NAV1: variants seen among roughly 807,000 people sequenced by gnomAD.
NAV1 encodes pore membrane and/or filament interacting like protein 3.
In NAV1, 18 loss-of-function variants were observed where a neutral mutation model predicts 175.2. The observed-to-expected ratio is 0.10, with a 90% CI of 0.07 to 0.15. The LOEUF (loss-of-function observed/expected upper bound fraction) is 0.15. NAV1 is among the 10% of genes least tolerant of loss of function. NAV1 has a pLI of 1.00. For missense variants in NAV1, 1,731 were observed against 2,436.6 expected (o/e 0.71, Z 6.10); for synonymous variants, 897 against 978.7 (o/e 0.92, Z 1.56).
chr1:201,668,871 C>A (rs927140665), intron 1 of NAV1, among the ~76,000 whole-genome samples: 2 of 152,172 alleles, frequency 1.3e-5, no homozygotes, highest in Non-Finnish European at 2.9e-5. Flanking sequence ...GTCACTCCTG[C>A]AGCTTGCTTC....
chr1:201,705,168 C>A (rs1486702097), intron 1 of NAV1, among the ~76,000 whole-genome samples: 1 of 152,172 alleles, frequency 6.6e-6, no homozygotes, highest in Non-Finnish European at 1.5e-5. Context: ...CTTTACGATT[C>A]CTCTTAGCCC....
At chr1:201,580,930 G>C (rs974949727) in intron 1 of NAV1, among the ~76,000 whole-genome samples, 4 of 152,118 alleles carry the variant, frequency 2.6e-5, no homozygotes, top group African/African-American at 9.7e-5. Context: ...GGATGGACAC[G>C]ATGGTAAAGG....
intron 6 of NAV1, 129 bp from the exon 11 acceptor site, chr1:201,783,277 G>A: frequency 3.1e-6 from 3 of 955,956 alleles, no homozygotes; most frequent in Non-Finnish European, 1.6e-6. Flanking sequence ...TTTCACAACA[G>A]CATTAGGATA....
chr1:201,719,283 C>T (rs958038985), intron 3 of NAV1, among the ~76,000 whole-genome samples: 3 of 152,032 alleles, frequency 2.0e-5, no homozygotes, highest in Non-Finnish European at 4.4e-5. Context: ...CTTCCTTTGC[C>T]AGGGGTTCGT....
In NAV1 at chr1:201,812,844, C is replaced by T. The variant is rs941061201; in HGVS notation, c.5221+183C>T. Among the ~76,000 whole-genome samples, 3 of 152,186 alleles carry T rather than the reference C, an allele frequency of 2.0e-5. No homozygotes were observed. The highest frequency in any genetic ancestry group is 7.2e-5 in the African/African-American group (3 of 41,450). On this transcript the variant is annotated intron_variant, in intron 27 of 29. Transcript: ENST00000367296. The surrounding 1 kb of genome is among the most constrained non-coding windows in gnomAD (Gnocchi z 4.6). ...AACACAGTTAGCACCACTTCAATCA[C>T]CAGAAAGCTAACCCCTCTCCTTGTT...
intron 1 of NAV1, among the ~76,000 whole-genome samples, chr1:201,570,702 C>T (rs1165006894): frequency 6.6e-6 from 1 of 152,234 alleles, no homozygotes; most frequent in Admixed American, 6.5e-5. Flanking sequence ...GCCCAGCAGG[C>T]AGTCTCCCTT....
chr1:201,693,960 A>G (rs1301670952), intron 1 of NAV1, among the ~76,000 whole-genome samples: 1 of 152,200 alleles, frequency 6.6e-6, no homozygotes, highest in Non-Finnish European at 1.5e-5. Flanking sequence ...GTCTGAAGCC[A>G]TCTCAGCCAT....
chr1:201,749,543 C>G (rs1376428979), intron 3 of NAV1, among the ~76,000 whole-genome samples: 1 of 152,222 alleles, frequency 6.6e-6, no homozygotes, highest in Non-Finnish European at 1.5e-5. Context: ...CTCCACCAAT[C>G]AAGTTGAATG....
chr1:201,759,728 G>A (rs960972202), intron 3 of NAV1, among the ~76,000 whole-genome samples: 3 of 152,206 alleles, frequency 2.0e-5, no homozygotes, highest in Non-Finnish European at 4.4e-5. Flanking sequence ...CTTCTACATG[G>A]ATTGCTTTGC....
Position 201,813,096 on chromosome 1 carries a change from A to G in NAV1, c.5222-44A>G. The G allele has an allele frequency of 7.1e-7, 1 of 1,410,016 alleles. No individual in the cohort carries two copies. Among genetic ancestry groups the G allele is most frequent in the Non-Finnish European group, 1.0e-6 (1 of 997,450 alleles). 87.3% of individuals were successfully genotyped at this position (1,410,016 alleles called of 1,614,324 possible). ...GTAAAAGAGGCACACAACCGGGAAG[A>G]TCTAGGTTCCCAGCCATCTTCATGG... On this transcript the variant is annotated intron_variant, in intron 27 of 29. Coordinates refer to ENST00000367296, the Ensembl canonical transcript of NAV1. The surrounding 1 kb of genome is among the most constrained non-coding windows in gnomAD (Gnocchi z 4.2).
At chr1:201,716,827 G>A (rs1178262055) in intron 2 of NAV1, among the ~76,000 whole-genome samples, 3 of 152,236 alleles carry the variant, frequency 2.0e-5, no homozygotes, top group South Asian at 2.1e-4. Flanking sequence ...GCAGTGAGCC[G>A]TGTTTGCACC....
intron 1 of NAV1, among the ~76,000 whole-genome samples, chr1:201,665,596 C>T (rs1352367076): frequency 1.4e-5 from 1 of 69,728 alleles, no homozygotes; most frequent in Non-Finnish European, 2.9e-5. Flanking sequence ...CCCCACCCCC[C>T]CCACTGCCCA....
At chr1:201,663,508 A>C (rs992607856) in intron 1 of NAV1, among the ~76,000 whole-genome samples, 5 of 152,110 alleles carry the variant, frequency 3.3e-5, no homozygotes, top group Non-Finnish European at 7.4e-5. Flanking sequence ...TCCCGGGTTC[A>C]ATGAAACCAC....
intron 2 of NAV1, among the ~76,000 whole-genome samples, chr1:201,630,588 C>T (rs1224261336): frequency 6.6e-6 from 1 of 152,184 alleles, no homozygotes; most frequent in Non-Finnish European, 1.5e-5. Context: ...GATCTTGGAG[C>T]CACTGCAACC....
chr1:201,784,517 CA>C (rs1676567001), intron 7 of NAV1, among the ~76,000 whole-genome samples: 1 of 151,470 alleles, frequency 6.6e-6, no homozygotes, highest in Non-Finnish European at 1.5e-5. Flanking sequence ...CCCTATATGC[CA>C]AGGTTATCAA....
At chr1:201,683,526 C>T (rs1213455301) in intron 1 of NAV1, among the ~76,000 whole-genome samples, 1 of 136,854 alleles carries the variant, frequency 7.3e-6, no homozygotes, top group Non-Finnish European at 1.6e-5. Flanking sequence ...CTATGAGAAT[C>T]TAATGCTGCT....
chr1:201,600,602 T>C (rs1479471788), intron 2 of NAV1, among the ~76,000 whole-genome samples: 1 of 152,178 alleles, frequency 6.6e-6, no homozygotes, highest in Non-Finnish European at 1.5e-5. Flanking sequence ...AACTCTGTAC[T>C]ATCTTTGCAA....
At chr1:201,763,587 G>A (rs369524709) in intron 3 of NAV1, among the ~76,000 whole-genome samples, 104 of 152,304 alleles carry the variant, frequency 6.8e-4, no homozygotes, top group African/African-American at 2.3e-3. Flanking sequence ...GTGGCCAGCC[G>A]AGTCAGCATT....
At chr1:201,811,996 G>A in intron 26 of NAV1, 22 bp downstream of exon 30, 1 of 1,609,986 alleles carries the variant, frequency 6.2e-7, no homozygotes, top group East Asian at 2.2e-5. Flanking sequence ...AGCTCTGGAT[G>A]AACCTTCTGA....
Sources: allele counts gnomAD v4.1 joint callset (sites outside exome capture counted in the v4.1 genomes callset), GRCh38; gene constraint gnomAD v4.1.1; non-coding constraint Gnocchi (gnomAD v3.1); transcripts MANE v1.5; gene names NCBI Gene and HGNC (gene_info 2026-07-23, HGNC 2026-07-21).